The following GPLD1 variants were observed in gnomAD, a reference collection of about 807,000 sequenced individuals.
GPLD1 encodes the protein phosphatidylinositol-glycan-specific phospholipase D.
A neutral mutation model predicts 112.6 loss-of-function variants in GPLD1; 84 were observed. The ratio of observed to expected loss-of-function variants is 0.75; its 90% CI spans 0.63 to 0.89. The LOEUF (loss-of-function observed/expected upper bound fraction) is 0.89, where lower values mean the gene tolerates loss of function less well. Ranked by LOEUF, GPLD1 falls within the 40% of genes least tolerant of loss-of-function variation. The probability of loss-of-function intolerance (pLI) is 0.00; values close to 1 mark genes in which losing one functional copy is unlikely to be tolerated. For synonymous variants in GPLD1, 386 were observed against 403.8 expected (o/e 0.96, Z 0.53); for missense variants, 1,044 against 1,051.5 (o/e 0.99, Z 0.10).
rs890776702 is a variant in GPLD1 at position 24,428,768 on chromosome 6, G to C, written c.*264C>G. On this transcript the variant is annotated 3_prime_UTR_variant, in exon 25 of 25. Transcript: ENST00000230036. Reference sequence around the variant, plus strand: ...GAAAGAAGAAAGGTTTAGATGCAAAGGGAGCGAGGAAGTAAACTGTGGAAG... The same window carrying C: ...GAAAGAAGAAAGGTTTAGATGCAAACGGAGCGAGGAAGTAAACTGTGGAAG... 6.9e-5 allele frequency: 23 copies of C among 335,360 alleles called. No individual in the cohort carries two copies. Among genetic ancestry groups the C allele is most frequent in the Admixed American group, 1.4e-4 (3 of 21,540 alleles). 20.8% of individuals were successfully genotyped at this position (335,360 alleles called of 1,614,324 possible).
chr6:24,494,853 G>A, intron 1 of GPLD1: 2 of 944,528 alleles, frequency 2.1e-6, no homozygotes, highest in Non-Finnish European at 1.4e-6. Context: ...GCGCTGCTCT[G>A]TGGCTCTGCA....
chr6:24,443,257 G>T (rs1448573828), intron 20 of GPLD1, among the ~76,000 whole-genome samples: 2 of 152,330 alleles, frequency 1.3e-5, no homozygotes, highest in East Asian at 3.9e-4. Flanking sequence ...CTTCTAGTGA[G>T]CAAAGGCAGC....
intron 5 of GPLD1, 36 bp from the exon 6 acceptor site, chr6:24,473,703 A>C: frequency 6.8e-7 from 1 of 1,460,864 alleles, no homozygotes; most frequent in Non-Finnish European, 9.6e-7. Context: ...TGTGTATTAC[A>C]AATTGTAGCC....
chr6:24,494,822 C>A, intron 1 of GPLD1: 1 of 716,166 alleles, frequency 1.4e-6, no homozygotes, highest in Non-Finnish European at 1.9e-6. Context: ...GGCGGTGCAG[C>A]GAGAAAGACG....
chr6:24,466,645 G>T (rs371894197), intron 10 of GPLD1, 35 bp downstream of exon 10: 2 of 1,574,500 alleles, frequency 1.3e-6, no homozygotes, highest in Non-Finnish European at 1.7e-6. Context: ...AAAAGGCAGA[G>T]AGTGATTGGT....
intron 3 of GPLD1, among the ~76,000 whole-genome samples, chr6:24,478,541 T>C (rs556874688): frequency 6.6e-6 from 1 of 152,298 alleles, no homozygotes; most frequent in African/African-American, 2.4e-5. Context: ...TTCTCTACCT[T>C]GTAGGGTGAC....
At chr6:24,479,577 C>A (rs1719406496) in intron 3 of GPLD1, among the ~76,000 whole-genome samples, 1 of 152,168 alleles carries the variant, frequency 6.6e-6, no homozygotes, top group Non-Finnish European at 1.5e-5. Context: ...GGAACACAAA[C>A]TCAGACCTTT....
chr6:24,464,083 TA>T (rs75316086), intron 10 of GPLD1, among the ~76,000 whole-genome samples: 14,093 of 152,240 alleles, frequency 0.093, 891 homozygotes, highest in South Asian at 0.15. Context: ...ATAAAACAAG[TA>T]AGTGCAGGTC....
chr6:24,486,328 C>T (rs1764373625), intron 1 of GPLD1, among the ~76,000 whole-genome samples, 198 bp from the exon 2 acceptor site: 1 of 152,144 alleles, frequency 6.6e-6, no homozygotes, highest in South Asian at 2.1e-4. Flanking sequence ...TAGTACAAAG[C>T]AAGTTTAGAT....
chr6:24,453,539 G>C (rs1763161526), intron 14 of GPLD1, among the ~76,000 whole-genome samples: 1 of 152,180 alleles, frequency 6.6e-6, no homozygotes, highest in African/African-American at 2.4e-5. Context: ...AGGAGGCTGA[G>C]GCAGGAGAAT....
upstream of GPLD1, among the ~76,000 whole-genome samples, chr6:24,494,221 A>C (rs1340448296): frequency 2.6e-5 from 4 of 152,150 alleles, no homozygotes; most frequent in African/African-American, 9.7e-5. Flanking sequence ...TGGCAACTGT[A>C]ATGAGCATTT....
At chr6:24,467,300 G>T in intron 7 of GPLD1, 26 bp from the exon 8 acceptor site, 1 of 1,244,190 alleles carries the variant, frequency 8.0e-7, no homozygotes, top group Non-Finnish European at 1.2e-6. Flanking sequence ...TAAAGTAAGA[G>T]TTGTTTTGAT....
At position 24,453,492 on chromosome 6, in the gene GPLD1, C is replaced by T. The variant is rs185250814; in HGVS notation, c.1335+523G>A. Among the ~76,000 whole-genome samples the T allele has an allele frequency of 8.7e-3, 1,318 of 152,124 alleles. 9 individuals carry two copies. Among genetic ancestry groups the T allele is most frequent in the Non-Finnish European group, 0.014 (934 of 68,008 alleles). ...CTCTACTAAAAATAAAAAAATTAGC[C>T]GGGCCTGGTGGTGTGCACCTGTAGT... On this transcript the variant is annotated intron_variant, in intron 14 of 24. Transcript: ENST00000230036.
intron 20 of GPLD1, among the ~76,000 whole-genome samples, chr6:24,445,319 A>C (rs1762874960): frequency 6.6e-6 from 1 of 152,098 alleles, no homozygotes; most frequent in Admixed American, 6.6e-5. Context: ...GAGCCACCGC[A>C]CCCGGCCTGA....
upstream of GPLD1, chr6:24,489,592 C>T: frequency 6.3e-7 from 1 of 1,592,718 alleles, no homozygotes; most frequent in East Asian, 2.3e-5. Context: ...AATCCAGGTG[C>T]AGACCCACCG....
rs772677085 is a variant in GPLD1, at chr6:24,446,903, G to A, written c.1755C>T (p.His585=). The A allele has an allele frequency of 2.8e-5, 45 of 1,613,840 alleles. No homozygotes were observed. The East Asian group carries it at 4.5e-4, about 16-fold the overall frequency. Residue 585 remains histidine (H), a synonymous_variant, in exon 18 of 25, where the codon CAC becomes CAT. Transcript: ENST00000230036. ...AGGTTCTGTTGTCCACAGTGACACC[G>A]TGAAGGGAATATCCAAACCAGGAGA... The part of the protein sequence containing the change: ...EDFSWFGYSL[H]GVTVDNRTLL...
At chr6:24,489,389 C>A (rs1344519133) in intron 1 of GPLD1, 26 bp downstream of exon 1, 1 of 1,470,788 alleles carries the variant, frequency 6.8e-7, no homozygotes, top group South Asian at 1.1e-5. Context: ...GTCCTCTCAA[C>A]AACATAACAA....
At chr6:24,424,505 G>GCTGA (rs977750465), downstream of GPLD1, 22 of 152,174 alleles carry the variant, frequency 1.4e-4, no homozygotes, top group African/African-American at 5.1e-4. Flanking sequence ...CACCTCAGAA[G>GCTGA]CTGACAGATG....
intron 20 of GPLD1, among the ~76,000 whole-genome samples, chr6:24,440,583 A>AAAAAAAAG (rs1762713795): frequency 6.7e-6 from 1 of 149,540 alleles, no homozygotes; most frequent in Non-Finnish European, 1.5e-5. Context: ...AAAATACTCA[A>AAAAAAAAG]AAAAAAAAAA....
Sources: gnomAD v4.1 joint callset for allele counts (sites outside exome capture counted in the v4.1 genomes callset) on GRCh38, gnomAD v4.1.1 for gene constraint, MANE v1.5 for transcripts, NCBI Gene and HGNC (gene_info 2026-07-23, HGNC 2026-07-21) for gene names.